LARGE1: variants seen among roughly 807,000 people sequenced by gnomAD.
LARGE1 encodes xylosyl- and glucuronyltransferase LARGE1.
A neutral mutation model predicts 87.6 loss-of-function variants in LARGE1; 43 were observed. The ratio of observed to expected loss-of-function variants is 0.49; its 90% CI spans 0.38 to 0.63. The LOEUF (loss-of-function observed/expected upper bound fraction) is 0.63. LARGE1 is among the 30% of genes least tolerant of loss of function. The probability of loss-of-function intolerance (pLI) is 0.00; values close to 1 mark genes in which losing one functional copy is unlikely to be tolerated. For synonymous variants in LARGE1, 434 were observed against 394.6 expected, an observed-to-expected ratio of 1.10 and a Z score of -1.18; for missense variants, 802 against 1,000.2, an observed-to-expected ratio of 0.80 and a Z score of 2.67.
At chr22:33,450,113 T>C (rs1292968823) in intron 6 of LARGE1, among the ~76,000 whole-genome samples, 2 of 151,998 alleles carry the variant, frequency 1.3e-5, no homozygotes, top group Non-Finnish European at 2.9e-5. Flanking sequence ...AGTTTTGCCA[T>C]GTTGGCCAGG....
At chr22:33,816,180 T>A (rs935953983) in intron 1 of LARGE1, among the ~76,000 whole-genome samples, 3 of 152,116 alleles carry the variant, frequency 2.0e-5, no homozygotes, top group Non-Finnish European at 2.9e-5. Context: ...AGAGCAAAAA[T>A]TCATCCATGA....
At chr22:33,557,884 G>GC (rs1173744722) in intron 6 of LARGE1, among the ~76,000 whole-genome samples, 1 of 151,998 alleles carries the variant, frequency 6.6e-6, no homozygotes, top group Non-Finnish European at 1.5e-5. Flanking sequence ...ACTTCTAAAG[G>GC]CCCCGTACAG....
At chr22:33,403,706 C>T (rs1016247043) in intron 7 of LARGE1, among the ~76,000 whole-genome samples, 16 of 151,986 alleles carry the variant, frequency 1.1e-4, no homozygotes, top group African/African-American at 2.4e-4. Context: ...TGGGTTCAAG[C>T]GATTCTCCTG....
chr22:33,751,772 CTT>C (rs559675510), intron 2 of LARGE1, among the ~76,000 whole-genome samples: 3 of 143,904 alleles, frequency 2.1e-5, no homozygotes, highest in African/African-American at 2.5e-5. Flanking sequence ...TGCCACTATT[CTT>C]TTTTTTTTTT....
intron 1 of LARGE1, among the ~76,000 whole-genome samples, chr22:33,838,447 T>C (rs905037103): frequency 3.9e-5 from 6 of 152,172 alleles, no homozygotes; most frequent in Non-Finnish European, 7.3e-5. Context: ...GAGACCAGCC[T>C]GAGCAACAGG....
intron 2 of LARGE1, among the ~76,000 whole-genome samples, chr22:33,744,996 G>A (rs2084026638): frequency 6.6e-6 from 1 of 152,180 alleles, no homozygotes; most frequent in Admixed American, 6.5e-5. Flanking sequence ...CTTTAGAGCA[G>A]CACACACGGC....
At chr22:33,225,023 A>C (rs151012789) in intron 11 of LARGE1, among the ~76,000 whole-genome samples, 1 of 152,062 alleles carries the variant, frequency 6.6e-6, no homozygotes, top group Non-Finnish European at 1.5e-5. Context: ...GTAATTCTAT[A>C]CTCCACATTT....
chr22:33,391,830 C>T (rs759866796), intron 7 of LARGE1, among the ~76,000 whole-genome samples: 46 of 136,756 alleles, frequency 3.4e-4, no homozygotes, highest in Non-Finnish European at 6.5e-4. Flanking sequence ...AGTGCAATGG[C>T]GTGATCTCGG....
In LARGE1 at chr22:33,650,509, C is replaced by G. The variant is rs142272515; in HGVS notation, c.266G>C (p.Arg89Pro). 1 of 1,613,122 alleles carries G rather than the reference C, an allele frequency of 6.2e-7. No homozygotes were observed. Among genetic ancestry groups the G allele is most frequent in the East Asian group, 2.2e-5 (1 of 44,882 alleles). ...LRRQLSLAQGRAPSHRRGNHS... is the reference protein window; with the variant it reads ...LRRQLSLAQGPAPSHRRGNHS... ...GTTGCCTCGGCGATGGGATGGGGCT[C>G]GGCCCTGGGCCAGGCTGAGCTGCCT... The change falls in exon 3 of 15, where the codon CGA (arginine) becomes CCA (proline). Residue 89 changes from arginine to proline, a missense_variant. Arg to Pro is a moderately radical substitution (Grantham distance 103). Transcript: ENST00000397394.
chr22:33,767,292 A>G (rs2084937575), intron 1 of LARGE1, among the ~76,000 whole-genome samples: 1 of 151,794 alleles, frequency 6.6e-6, no homozygotes, highest in Non-Finnish European at 1.5e-5. Flanking sequence ...ACTGCACTCC[A>G]GCCTGGGCGA....
intron 6 of LARGE1, among the ~76,000 whole-genome samples, chr22:33,547,263 T>C (rs1462462523): frequency 2.6e-5 from 4 of 152,140 alleles, no homozygotes; most frequent in Non-Finnish European, 5.9e-5. Flanking sequence ...ATGAAACTGT[T>C]CCACCTTAGA....
At chr22:33,084,360 A>G in the LARGE1 span, among the ~76,000 whole-genome samples, 1 of 152,112 alleles carries the variant, frequency 6.6e-6, no homozygotes, top group Non-Finnish European at 1.5e-5. Flanking sequence ...TTGCTGTCTG[A>G]TAGAAATATA....
At chr22:33,512,043 T>C (rs1029036655) in intron 6 of LARGE1, among the ~76,000 whole-genome samples, 5 of 152,218 alleles carry the variant, frequency 3.3e-5, no homozygotes, top group African/African-American at 7.2e-5. Context: ...AAAAGTCCTG[T>C]AAAAAATTAA....
chr22:33,214,638 G>C (rs137453), intron 11 of LARGE1, among the ~76,000 whole-genome samples: 56,814 of 151,504 alleles, frequency 0.38, 15,117 homozygotes, highest in African/African-American at 0.76. Context: ...TATCTGCTCT[G>C]CCTCCTTCCT....
intron 9 of LARGE1, among the ~76,000 whole-genome samples, chr22:33,372,162 C>T (rs1044031429): frequency 4.6e-5 from 7 of 151,884 alleles, no homozygotes; most frequent in African/African-American, 1.7e-4. Flanking sequence ...AATTGCTGAA[C>T]ATAAATATAA....
intron 2 of LARGE1, among the ~76,000 whole-genome samples, chr22:33,752,799 C>G (rs999264233): frequency 3.3e-5 from 5 of 152,196 alleles, no homozygotes; most frequent in African/African-American, 4.8e-5. Flanking sequence ...CAAAAGATGT[C>G]CACATCCTAA....
At chr22:33,104,925 T>TTCTCTCTTTCTTTCTC in the LARGE1 span, among the ~76,000 whole-genome samples, 4 of 118,362 alleles carry the variant, frequency 3.4e-5, no homozygotes, top group African/African-American at 1.1e-4. Context: ...CTTTCTTTCT[T>TTCTCTCTTTCTTTCTC]TCTTTCTTTC....
chr22:33,921,168 G>T (rs926198859), upstream of LARGE1, among the ~76,000 whole-genome samples: 1 of 151,854 alleles, frequency 6.6e-6, no homozygotes, highest in African/African-American at 2.4e-5. The surrounding 1 kb of genome is among the most constrained non-coding windows in gnomAD (Gnocchi z 4.1). Context: ...CCGAGAGTTC[G>T]CCCCCGCACA....
chr22:33,562,623 T>A (rs1449940873), intron 6 of LARGE1, among the ~76,000 whole-genome samples: 7 of 152,214 alleles, frequency 4.6e-5, no homozygotes, highest in Non-Finnish European at 1.0e-4. Context: ...AATCAAGTCC[T>A]TGGGCCAGCT....
Sources: gnomAD v4.1 joint callset for allele counts (sites outside exome capture counted in the v4.1 genomes callset) on GRCh38, gnomAD v4.1.1 for gene constraint, Gnocchi (gnomAD v3.1) non-coding constraint, MANE v1.5 for transcripts, NCBI Gene and HGNC (gene_info 2026-07-23, HGNC 2026-07-21) for gene names.